The following SASH1 variants were observed in gnomAD, a reference collection of about 807,000 sequenced individuals.
SASH1 encodes the protein SAM and SH3 domain containing 1.
In SASH1, 44 loss-of-function variants were observed where a neutral mutation model predicts 125.2. That is an observed-to-expected ratio of 0.35 (90% CI 0.28 to 0.45). The LOEUF is 0.45. Ranked by LOEUF, SASH1 falls within the 20% of genes least tolerant of loss-of-function variation. The probability of loss-of-function intolerance (pLI) is 1.00; values close to 1 mark genes in which losing one functional copy is unlikely to be tolerated. For missense variants in SASH1, 1,426 were observed against 1,614.5 expected (o/e 0.88, Z 2.00); for synonymous variants, 639 against 649.1 (o/e 0.98, Z 0.24).
intron 2 of SASH1, among the ~76,000 whole-genome samples, chr6:148,417,652 C>T (rs777034960): frequency 2.2e-4 from 34 of 151,222 alleles, no homozygotes; most frequent in Middle Eastern, 6.8e-3. Flanking sequence ...CTCCACAGAG[C>T]CTGCCACCTT....
intron 8 of SASH1, among the ~76,000 whole-genome samples, chr6:148,512,029 AT>A (rs1473794919): frequency 1.4e-5 from 2 of 145,434 alleles, no homozygotes; most frequent in African/African-American, 4.9e-5. Flanking sequence ...TTATTTATTT[AT>A]TTTTTTGAGA....
intron 1 of SASH1, among the ~76,000 whole-genome samples, chr6:148,380,810 A>G (rs1012782845): frequency 9.9e-5 from 15 of 152,218 alleles, no homozygotes; most frequent in African/African-American, 3.6e-4. Flanking sequence ...TTAAGCACAC[A>G]GCTTAGTAAA....
chr6:148,419,453 T>TA (rs34304578), intron 2 of SASH1, among the ~76,000 whole-genome samples: 7,753 of 152,248 alleles, frequency 0.051, 248 homozygotes, highest in East Asian at 0.079. Context: ...TATGGCTCTT[T>TA]AAAAAACAGA....
chr6:148,410,486 C>A (rs1784579190), intron 2 of SASH1, among the ~76,000 whole-genome samples: 1 of 152,102 alleles, frequency 6.6e-6, no homozygotes, highest in Non-Finnish European at 1.5e-5. Flanking sequence ...CACAGTGATA[C>A]ATTTAATGGT....
At chr6:148,524,810 A>G (rs920919349) in intron 10 of SASH1, 4 of 153,502 alleles carry the variant, frequency 2.6e-5, no homozygotes, top group Admixed American at 1.9e-4. Flanking sequence ...AAACAAAATG[A>G]AAGTCTGTTT....
intron 8 of SASH1, among the ~76,000 whole-genome samples, chr6:148,493,337 C>T (rs141935746): frequency 2.1e-3 from 316 of 152,270 alleles, no homozygotes; most frequent in African/African-American, 7.4e-3. Context: ...CCAGAAACCC[C>T]ATCCAAAATA....
intron 1 of SASH1, among the ~76,000 whole-genome samples, chr6:148,287,548 A>T (rs932599873): frequency 3.3e-5 from 5 of 152,180 alleles, no homozygotes; most frequent in Admixed American, 3.3e-4. Flanking sequence ...ATTCTGTATT[A>T]AATCTATTCT....
Position 148,282,155 on chromosome 6 carries a change from G to T in SASH1, n.74+9778G>T, listed in dbSNP as rs137994399. ...CAGCTATCTTCACAGAAAGGTCTCC[G>T]CCCGGGGCTACAGTCAGCCAGTGGC... On this transcript the variant is annotated intron_variant and non_coding_transcript_variant, in intron 1 of 3. Coordinates refer to the SASH1 transcript ENST00000367469. Among the ~76,000 whole-genome samples, 408 of 152,224 alleles carry T rather than the reference G, an allele frequency of 2.7e-3. 2 individuals are homozygous for T. The highest frequency in any genetic ancestry group is 4.6e-3 in the Non-Finnish European group (315 of 68,012).
intron 1 of SASH1, among the ~76,000 whole-genome samples, chr6:148,289,482 G>A (rs1779569856): frequency 6.6e-6 from 1 of 152,222 alleles, no homozygotes; most frequent in Admixed American, 6.5e-5. Context: ...AGTGGTCAGA[G>A]GAAGGTCTGC....
At chr6:148,279,247 C>T (rs1448167685) in intron 1 of SASH1, among the ~76,000 whole-genome samples, 4 of 152,036 alleles carry the variant, frequency 2.6e-5, no homozygotes, top group Non-Finnish European at 5.9e-5. Flanking sequence ...TACCTCGGCC[C>T]CCAAAAGTGC....
intron 7 of SASH1, among the ~76,000 whole-genome samples, chr6:148,481,447 G>A (rs150656338): frequency 8.5e-5 from 13 of 152,168 alleles, no homozygotes; most frequent in African/African-American, 2.6e-4. Flanking sequence ...AAAAGGCCTC[G>A]CTTTTAGCTT....
chr6:148,472,440 G>A (rs1778160065), intron 6 of SASH1, among the ~76,000 whole-genome samples: 1 of 87,248 alleles, frequency 1.1e-5, no homozygotes, highest in South Asian at 4.1e-4. Flanking sequence ...ATAAACCTTG[G>A]ATTCTAAAAA....
chr6:148,411,421 A>G (rs1784627036), intron 2 of SASH1, among the ~76,000 whole-genome samples: 1 of 152,184 alleles, frequency 6.6e-6, no homozygotes, highest in Non-Finnish European at 1.5e-5. Context: ...ATATCCAGTC[A>G]ACATATATTG....
chr6:148,203,435 A>C, the SASH1 span, among the ~76,000 whole-genome samples: 1 of 152,150 alleles, frequency 6.6e-6, no homozygotes, highest in Non-Finnish European at 1.5e-5. Flanking sequence ...AGCTGACTAC[A>C]AATAAGGAAA....
chr6:148,544,713 G>C lies in SASH1; in HGVS notation c.3243G>C (p.Leu1081Phe). The change falls in exon 18 of 20, where the codon TTG becomes TTC. Residue 1081 changes from leucine to phenylalanine, a missense_variant. Around this residue, in one of 3 missense-constraint regions of SASH1, gnomAD observed 634 missense variants for 694.4 expected, o/e 0.91. Transcript: ENST00000367467. The surrounding 1 kb of genome is among the most constrained non-coding windows in gnomAD (Gnocchi z 6.4). ...ACGGTGTGAAGCTGGGCCCGGCTTT[G>C]ACCAGGAAGGTCTCCTGTGCCCGGG... ...QEHGVKLGPA[L>F]TRKVSCARGV... 2 of 1,611,012 alleles carry C rather than the reference G, an allele frequency of 1.2e-6. No individual in the cohort carries two copies. Among genetic ancestry groups the C allele is most frequent in the Non-Finnish European group, 1.7e-6 (2 of 1,178,570 alleles).
At chr6:148,201,780 AAGG>A in the SASH1 span, among the ~76,000 whole-genome samples, 9 of 152,160 alleles carry the variant, frequency 5.9e-5, no homozygotes, top group Non-Finnish European at 8.8e-5. Context: ...CCTGAGAATA[AAGG>A]AGAACAGATG....
rs1163049610 is a variant in SASH1, at chr6:148,549,664, A to G, written c.*1106A>G. ...TTCTAAAAGACTTTTCAGTATTACA[A>G]CTAATACTATTATTATCCTTCTTTT... is the stretch of plus-strand genomic sequence containing the variant. On this transcript the variant is annotated 3_prime_UTR_variant, in exon 20 of 20. Transcript: ENST00000367467. 3.0e-5 allele frequency: 12 copies of G among 398,986 alleles called. No individual in the cohort carries two copies. The East Asian group carries it at 3.9e-4, about 13-fold the overall frequency. The allele number at this position is 398,986 out of a possible 1,614,324, so 24.7% of individuals were successfully genotyped here. A position where few individuals can be genotyped will look rare whatever the true frequency, so the allele number is the denominator to read the frequency against.
chr6:148,284,314 C>G (rs1779427211), intron 1 of SASH1, among the ~76,000 whole-genome samples: 1 of 152,076 alleles, frequency 6.6e-6, no homozygotes, highest in Admixed American at 6.5e-5. Flanking sequence ...TGGCACACGC[C>G]TATAGTCCCA....
At chr6:148,387,077 C>CTG (rs965020786) in intron 1 of SASH1, among the ~76,000 whole-genome samples, 1 of 118,458 alleles carries the variant, frequency 8.4e-6, no homozygotes, top group African/African-American at 4.9e-5. Flanking sequence ...CTTTCTCCCT[C>CTG]TGTCTCTCTC....
Sources: allele counts gnomAD v4.1 joint callset (sites outside exome capture counted in the v4.1 genomes callset), GRCh38; gene constraint gnomAD v4.1.1; regional missense constraint gnomAD v4.1.1; non-coding constraint Gnocchi (gnomAD v3.1); transcripts MANE v1.5; gene names NCBI Gene and HGNC (gene_info 2026-07-23, HGNC 2026-07-21).